The following PLEKHM3 variants were observed in gnomAD, a reference collection of about 807,000 sequenced individuals.
PLEKHM3 encodes the protein pleckstrin homology domain-containing family M member 3.
PLEKHM3 carries 45 observed loss-of-function variants against 81.8 expected under a neutral mutation model. The ratio of observed to expected loss-of-function variants is 0.55; its 90% CI spans 0.43 to 0.71. PLEKHM3 has a LOEUF of 0.71. Ranked by LOEUF, PLEKHM3 falls within the 30% of genes least tolerant of loss-of-function variation. PLEKHM3 has a pLI of 0.00. For synonymous variants in PLEKHM3, 352 were observed against 356.4 expected, an observed-to-expected ratio of 0.99 and a Z score of 0.14; for missense variants, 788 against 924.3, an observed-to-expected ratio of 0.85 and a Z score of 1.91.
At chr2:207,882,935 A>T (rs776223279) in intron 6 of PLEKHM3, among the ~76,000 whole-genome samples, 5 of 151,888 alleles carry the variant, frequency 3.3e-5, no homozygotes, top group Non-Finnish European at 7.4e-5. Flanking sequence ...TTTAGTAGAG[A>T]CAGGGTTTCA....
intron 7 of PLEKHM3, among the ~76,000 whole-genome samples, chr2:207,836,799 G>C (rs1472272432): frequency 2.6e-5 from 4 of 152,144 alleles, no homozygotes; most frequent in Non-Finnish European, 4.4e-5. Flanking sequence ...TTTATTTTTG[G>C]CTCAGGCAAT....
chr2:208,023,131 T>C (rs1693180737), intron 1 of PLEKHM3, among the ~76,000 whole-genome samples: 1 of 151,996 alleles, frequency 6.6e-6, no homozygotes, highest in African/African-American at 2.4e-5. Context: ...ATATATAATA[T>C]GAAATTTACC....
intron 7 of PLEKHM3, among the ~76,000 whole-genome samples, chr2:207,858,670 G>A (rs976004168): frequency 1.6e-4 from 25 of 151,984 alleles, no homozygotes; most frequent in African/African-American, 5.3e-4. Flanking sequence ...TAGTAGAGAC[G>A]AGGTTTTGCC....
At chr2:207,862,287 C>T (rs1052329084) in intron 6 of PLEKHM3, among the ~76,000 whole-genome samples, 2 of 152,150 alleles carry the variant, frequency 1.3e-5, no homozygotes, top group African/African-American at 4.8e-5. Flanking sequence ...CTAGAAATAG[C>T]TGAAAATAGT....
At chr2:207,835,234 T>C (rs1298014039) in intron 7 of PLEKHM3, among the ~76,000 whole-genome samples, 8 of 152,132 alleles carry the variant, frequency 5.3e-5, no homozygotes, top group Admixed American at 3.3e-4. Context: ...TGAGCCACCG[T>C]ACCCTGCCGG....
chr2:207,945,368 C>T (rs1690087731), intron 4 of PLEKHM3, among the ~76,000 whole-genome samples: 1 of 152,298 alleles, frequency 6.6e-6, no homozygotes, highest in Non-Finnish European at 1.5e-5. Flanking sequence ...TGAAGAGCCT[C>T]CTTGGCTGTT....
chr2:207,886,501 C>T (rs1358204810), intron 6 of PLEKHM3, among the ~76,000 whole-genome samples: 4 of 152,084 alleles, frequency 2.6e-5, no homozygotes, highest in Admixed American at 6.6e-5. Flanking sequence ...GAGTCATTTA[C>T]GTTTAAAAGT....
At chr2:207,910,844 C>T (rs561360933) in intron 5 of PLEKHM3, among the ~76,000 whole-genome samples, 22 of 151,950 alleles carry the variant, frequency 1.4e-4, no homozygotes, top group East Asian at 1.4e-3. Context: ...GGCAGACAAG[C>T]GGACAGTGAA....
intron 1 of PLEKHM3, among the ~76,000 whole-genome samples, chr2:208,011,344 C>T (rs1273141043): frequency 1.3e-5 from 2 of 152,062 alleles, no homozygotes; most frequent in Non-Finnish European, 2.9e-5. Flanking sequence ...AACCCAAATG[C>T]TCATCAATCA....
intron 2 of PLEKHM3, among the ~76,000 whole-genome samples, chr2:207,996,896 A>C (rs1692138364): frequency 6.6e-6 from 1 of 152,190 alleles, no homozygotes; most frequent in South Asian, 2.1e-4. Context: ...AACTTTTATT[A>C]AGTGTTCAAG....
chr2:207,908,528 C>T lies in PLEKHM3; in HGVS notation c.1936G>A (p.Ala646Thr). Residue 646 changes from alanine to threonine, a missense_variant, in exon 6 of 8, where the codon GCC (alanine) becomes ACC (threonine). Coordinates refer to ENST00000427836, the MANE Select transcript of PLEKHM3 (RefSeq NM_001080475.3). ...LLQQIHLYSL[A>T]DLQQVIEGKL... ...TGAGCACTTACCTGCTGCAGGTCGG[C>T]AAGTGAATACAGGTGGATCTGTTGA... 1 of 1,612,122 alleles carries T rather than the reference C, an allele frequency of 6.2e-7. No homozygotes were observed. Among genetic ancestry groups the T allele is most frequent in the East Asian group, 2.2e-5 (1 of 44,764 alleles).
intron 7 of PLEKHM3, among the ~76,000 whole-genome samples, chr2:207,839,280 G>A (rs560686721): frequency 2.0e-5 from 3 of 151,994 alleles, no homozygotes; most frequent in African/African-American, 7.2e-5. Context: ...TAATGTACAT[G>A]AATCTAATGT....
At chr2:207,832,621 G>A (rs1420753873) in intron 7 of PLEKHM3, among the ~76,000 whole-genome samples, 3 of 151,564 alleles carry the variant, frequency 2.0e-5, no homozygotes, top group East Asian at 1.9e-4. Context: ...GTGAAACCCC[G>A]TCTCTACTAA....
At chr2:207,851,748 A>G in intron 7 of PLEKHM3, 1 of 140,008 alleles carries the variant, frequency 7.1e-6, no homozygotes, top group Non-Finnish European at 1.7e-5. Flanking sequence ...CTCAAAAAAA[A>G]AAAAAAAAAA....
chr2:207,915,994 T>C (rs942243934), intron 5 of PLEKHM3, among the ~76,000 whole-genome samples: 9 of 152,176 alleles, frequency 5.9e-5, no homozygotes, highest in African/African-American at 1.9e-4. Context: ...ATAGTTACAT[T>C]AGGCTGGACG....
intron 6 of PLEKHM3, among the ~76,000 whole-genome samples, chr2:207,878,490 C>A (rs2092570508): frequency 6.6e-6 from 1 of 152,182 alleles, no homozygotes; most frequent in Admixed American, 6.5e-5. Context: ...TGCCTGTAAT[C>A]CCAGCTACTG....
chr2:207,854,502 A>G (rs1559208159), intron 7 of PLEKHM3, among the ~76,000 whole-genome samples: 2 of 152,294 alleles, frequency 1.3e-5, no homozygotes, highest in Non-Finnish European at 1.5e-5. Context: ...ATTTATTTAA[A>G]ACATTTTTAT....
At chr2:207,868,928 T>C (rs1271462543) in intron 6 of PLEKHM3, 1 of 152,228 alleles carries the variant, frequency 6.6e-6, no homozygotes, top group East Asian at 1.9e-4. Context: ...GTCACATCCA[T>C]TTCTTCTGGT....
At chr2:207,939,136 G>A (rs889321903) in intron 4 of PLEKHM3, among the ~76,000 whole-genome samples, 6 of 152,098 alleles carry the variant, frequency 3.9e-5, no homozygotes, top group Admixed American at 1.3e-4. Context: ...TCAAAGCCCC[G>A]CTCCAAGCAG....
Sources: gnomAD v4.1 joint callset for allele counts (sites outside exome capture counted in the v4.1 genomes callset) on GRCh38, gnomAD v4.1.1 for gene constraint, MANE v1.5 for transcripts, NCBI Gene and HGNC (gene_info 2026-07-23, HGNC 2026-07-21) for gene names.